PRAMEF20: variants seen among roughly 807,000 people sequenced by gnomAD.
PRAMEF20 encodes the protein PRAME family member 20/21.
In PRAMEF20, 27 loss-of-function variants were observed where a neutral mutation model predicts 32.4. The observed-to-expected ratio is 0.83, with a 90% confidence interval of 0.61 to 1.15. The LOEUF (loss-of-function observed/expected upper bound fraction) is 1.15. Ranked by LOEUF, PRAMEF20 falls within the 50% of genes most tolerant of loss-of-function variation. PRAMEF20 has a pLI of 0.00. For missense variants in PRAMEF20, 604 were observed against 584.5 expected, an observed-to-expected ratio of 1.03 and a Z score of -0.34; for synonymous variants, 256 against 235.4, an observed-to-expected ratio of 1.09 and a Z score of -0.80.
chr1:13,419,011 G>A (rs1199761611), intron 2 of PRAMEF20, among the ~76,000 whole-genome samples: 1 of 152,180 alleles, frequency 6.6e-6, no homozygotes, highest in Non-Finnish European at 1.5e-5. Flanking sequence ...AAATAGGCCA[G>A]GGATGCTGGC....
intron 2 of PRAMEF20, among the ~76,000 whole-genome samples, chr1:13,419,352 T>C (rs1397480506): frequency 2.6e-5 from 4 of 152,086 alleles, no homozygotes; most frequent in African/African-American, 9.7e-5. Flanking sequence ...TTTCACCATG[T>C]TGGCCAGGCT....
At chr1:13,416,726 A>AGGAGGGCCCAC in intron 1 of PRAMEF20, 85 bp downstream of exon 2, 1 of 1,607,932 alleles carries the variant, frequency 6.2e-7, no homozygotes, top group African/African-American at 1.3e-5. Flanking sequence ...AGGAGGTCCA[A>AGGAGGGCCCAC]GGAGGGCCCA....
chr1:13,417,700 T>C (rs1641191791), intron 1 of PRAMEF20, among the ~76,000 whole-genome samples: 2 of 149,170 alleles, frequency 1.3e-5, no homozygotes, highest in Non-Finnish European at 3.0e-5. Context: ...GCAGCTGATA[T>C]CCAGGATGTG....
intron 1 of PRAMEF20, among the ~76,000 whole-genome samples, 194 bp from the exon 3 acceptor site, chr1:13,417,928 G>A (rs1275488732): frequency 6.7e-6 from 1 of 148,276 alleles, no homozygotes; most frequent in Admixed American, 6.9e-5. Flanking sequence ...GTGTGTGTGT[G>A]TGTGTGTGTG....
chr1:13,417,910 T>TTGTGTGTG (rs71272484), intron 1 of PRAMEF20, among the ~76,000 whole-genome samples: 3,078 of 124,214 alleles, frequency 0.025, 92 homozygotes, highest in East Asian at 0.076. Context: ...CCCGGCTAAT[T>TTGTGTGTG]TGTGTGTGTG....
At chr1:13,411,666 CT>C (rs1227120196), upstream of PRAMEF20, among the ~76,000 whole-genome samples, 4 of 152,100 alleles carry the variant, frequency 2.6e-5, no homozygotes, top group Admixed American at 1.3e-4. Context: ...TTTGGGATGC[CT>C]TAGAATTTTG....
chr1:13,416,282 A>G (rs1641168622), upstream of PRAMEF20: 1 of 1,611,482 alleles, frequency 6.2e-7, no homozygotes, highest in South Asian at 1.1e-5. Flanking sequence ...ATGAGATTGC[A>G]TGGGCTTGGC....
At chr1:13,416,548 C>G in exon 1 of PRAMEF20, 1 of 1,614,160 alleles carries the variant, frequency 6.2e-7, no homozygotes, top group Non-Finnish European at 8.5e-7. Flanking sequence ...CTCCGCCTTC[C>G]TCTGGGGTCT....
upstream of PRAMEF20, among the ~76,000 whole-genome samples, chr1:13,412,016 C>T (rs1641119025): frequency 6.6e-6 from 1 of 150,514 alleles, no homozygotes; most frequent in South Asian, 2.1e-4. Flanking sequence ...TTCTGTGCTG[C>T]CTTTAATTTA....
chr1:13,415,498 G>A (rs1641159605), upstream of PRAMEF20, among the ~76,000 whole-genome samples: 1 of 152,144 alleles, frequency 6.6e-6, no homozygotes, highest in Non-Finnish European at 1.5e-5. Flanking sequence ...TTTAAATAAT[G>A]AGGCCGGAGC....
upstream of PRAMEF20, among the ~76,000 whole-genome samples, chr1:13,415,407 A>G (rs1420919586): frequency 6.6e-6 from 1 of 152,016 alleles, no homozygotes; most frequent in Non-Finnish European, 1.5e-5. Flanking sequence ...TAATATGTGT[A>G]AGAAGTGTGT....
At chr1:13,418,773 A>C (rs1641212210) in intron 2 of PRAMEF20, 73 bp downstream of exon 3, 7 of 1,606,700 alleles carry the variant, frequency 4.4e-6, no homozygotes, top group Non-Finnish European at 5.1e-6. Flanking sequence ...ATCTACTGTG[A>C]GCCAGCCTAT....
At chr1:13,410,634 T>TC in the PRAMEF20 span, 1 of 151,900 alleles carries the variant, frequency 6.6e-6, no homozygotes, top group African/African-American at 2.4e-5. Context: ...TTTTTTTTTT[T>TC]TGTATGAACA....
chr1:13,417,825 T>C (rs1227520733), intron 1 of PRAMEF20, among the ~76,000 whole-genome samples: 25 of 142,844 alleles, frequency 1.8e-4, no homozygotes, highest in African/African-American at 6.0e-4. Context: ...CACTGCAAGC[T>C]CCGCCTCCCG....
chr1:13,410,880 TAG>T, the PRAMEF20 span, among the ~76,000 whole-genome samples: 7 of 151,946 alleles, frequency 4.6e-5, no homozygotes, highest in Non-Finnish European at 7.4e-5. Context: ...TGGTGGGGGA[TAG>T]AGTCTTGCTC....
chr1:13,418,345 G>T, exon 2 of PRAMEF20: 1 of 1,613,874 alleles, frequency 6.2e-7, no homozygotes, highest in Non-Finnish European at 8.5e-7. Flanking sequence ...CTTTCTATGG[G>T]TCAAGCAGAG....
exon 3 of PRAMEF20, chr1:13,420,819 C>A (rs909999633): frequency 6.0e-5 from 96 of 1,607,070 alleles, no homozygotes; most frequent in Non-Finnish European, 7.7e-5. Context: ...CTGAGTGGCA[C>A]CAGACTGGCC....
At chr1:13,418,830 T>C in intron 2 of PRAMEF20, 130 bp downstream of exon 3, 1 of 1,516,332 alleles carries the variant, frequency 6.6e-7, no homozygotes, top group Non-Finnish European at 8.9e-7. Context: ...TGCATTTTCC[T>C]GTTGGAAGTG....
chr1:13,417,325 G>A (rs927565838), intron 1 of PRAMEF20, among the ~76,000 whole-genome samples: 72 of 152,134 alleles, frequency 4.7e-4, no homozygotes, highest in South Asian at 2.9e-3. Flanking sequence ...TTTATAGAGC[G>A]TTGATTGGTG....
Sources: gnomAD v4.1 joint callset for allele counts (sites outside exome capture counted in the v4.1 genomes callset) on GRCh38, gnomAD v4.1.1 for gene constraint, MANE v1.5 for transcripts, NCBI Gene and HGNC (gene_info 2026-07-23, HGNC 2026-07-21) for gene names.